Variants in PCNX1 observed in about 807,000 individuals in gnomAD.
PCNX1 encodes the protein pecanex-like protein 1.
Under a neutral mutation model 242.2 loss-of-function variants are expected in PCNX1, and 78 were observed. The observed-to-expected ratio is 0.32, with a 90% confidence interval of 0.27 to 0.39. PCNX1 has a LOEUF of 0.39. Among genes scored for constraint, PCNX1 ranks in the 10% least tolerant of loss-of-function variants. The probability of loss-of-function intolerance (pLI) is 1.00; values close to 1 mark genes in which losing one functional copy is unlikely to be tolerated. For missense variants in PCNX1, 2,581 were observed against 2,856.5 expected (o/e 0.90, Z 2.20); for synonymous variants, 1,024 against 1,032.9 (o/e 0.99, Z 0.17).
chr14:71,006,147 G>A (rs1316720044), intron 8 of PCNX1, among the ~76,000 whole-genome samples: 1 of 116,198 alleles, frequency 8.6e-6, no homozygotes, highest in Non-Finnish European at 1.7e-5. Context: ...GTGTGTGTGT[G>A]TGTGTGTGTG....
intron 26 of PCNX1, among the ~76,000 whole-genome samples, chr14:71,059,132 G>T (rs906583977): frequency 3.3e-5 from 5 of 152,250 alleles, no homozygotes; most frequent in Middle Eastern, 3.4e-3. Flanking sequence ...GAAATGAAAG[G>T]GGGGGTGGTT....
intron 1 of PCNX1, among the ~76,000 whole-genome samples, chr14:70,917,238 A>G (rs929233250): frequency 7.2e-5 from 11 of 152,136 alleles, no homozygotes; most frequent in African/African-American, 2.4e-4. Flanking sequence ...CAATGTTAAT[A>G]TTTCTACCTC....
At chr14:70,955,247 A>G (rs2057947512) in intron 2 of PCNX1, among the ~76,000 whole-genome samples, 1 of 152,214 alleles carries the variant, frequency 6.6e-6, no homozygotes, top group South Asian at 2.1e-4. Flanking sequence ...CATGGCAGTA[A>G]TGCTTATGAT....
intron 5 of PCNX1, among the ~76,000 whole-genome samples, chr14:70,972,073 T>A (rs532982967): frequency 2.6e-5 from 4 of 152,192 alleles, no homozygotes; most frequent in Admixed American, 2.6e-4. Context: ...AGAACACAGA[T>A]CAGAGTAGTG....
intron 16 of PCNX1, among the ~76,000 whole-genome samples, chr14:71,030,368 G>T (rs1244928218): frequency 1.3e-5 from 2 of 151,936 alleles, no homozygotes; most frequent in African/African-American, 2.4e-5. Flanking sequence ...TGTTTAGAAT[G>T]CATGTGGTCC....
Position 71,005,474 on chromosome 14 carries a change from C to G in PCNX1, c.2630-4160C>G, listed in dbSNP as rs146056711. On this transcript the variant is annotated intron_variant, in intron 8 of 35. Transcript: ENST00000304743. ...AGTGAGCTATGATTGTGCCATTGCA[C>G]TCCAGCCTGGGTGACAGAGTGAGTC... Among the ~76,000 whole-genome samples the G allele has an allele frequency of 8.9e-4, 134 of 151,318 alleles. 2 individuals carry two copies. The East Asian group carries it at 0.018, about 20-fold the overall frequency.
At chr14:70,930,910 G>A (rs1482902442) in intron 1 of PCNX1, among the ~76,000 whole-genome samples, 1 of 152,152 alleles carries the variant, frequency 6.6e-6, no homozygotes, top group African/African-American at 2.4e-5. Flanking sequence ...AAAGGAGACT[G>A]TGGCAAGAGG....
At chr14:71,011,631 C>A in intron 10 of PCNX1, 82 bp downstream of exon 10, 1 of 852,838 alleles carries the variant, frequency 1.2e-6, no homozygotes, top group Non-Finnish European at 1.9e-6. Context: ...GCTATAAAAG[C>A]CATAAAAATT....
rs772011610 is a variant in PCNX1 at position 71,089,176 on chromosome 14, T to C, written c.5439-16T>C. ...CTTTGTCAAAACATGTGAACTTTTA[T>C]CTCCAATCTTAACAGTAATTTAGAG... On this transcript the variant is annotated splice_polypyrimidine_tract_variant and intron_variant, in intron 29 of 35. Transcript: ENST00000304743. 1 of 1,582,604 alleles carries C rather than the reference T, an allele frequency of 6.3e-7. No homozygotes were observed. Among genetic ancestry groups the C allele is most frequent in the Non-Finnish European group, 8.6e-7 (1 of 1,158,804 alleles).
intron 9 of PCNX1, among the ~76,000 whole-genome samples, chr14:71,010,833 T>TG (rs1405984585): frequency 6.6e-6 from 1 of 152,102 alleles, no homozygotes; most frequent in Non-Finnish European, 1.5e-5. Context: ...AATAAAATCT[T>TG]GCAGTCATTT....
rs768258763 is a variant in PCNX1, at chr14:71,036,041, A to G, written c.3775-24A>G. 3 of 1,418,488 alleles carry G rather than the reference A, an allele frequency of 2.1e-6. 1 individual carries two copies. The South Asian group carries it at 3.7e-5, about 17-fold the overall frequency. The allele number at this position is 1,418,488 out of a possible 1,614,324, so 87.9% of individuals were successfully genotyped here. A position where few individuals can be genotyped will look rare whatever the true frequency, so the allele number is the denominator to read the frequency against. ...TTTTAAAAATTTTATGTAATTGTTTAATAATTCTTTTTTTTCCCCACAGAG... is the reference window on the plus strand; with the variant it reads ...TTTTAAAAATTTTATGTAATTGTTTGATAATTCTTTTTTTTCCCCACAGAG... On this transcript the variant is annotated intron_variant, in intron 18 of 35. Transcript: ENST00000304743.
intron 22 of PCNX1, among the ~76,000 whole-genome samples, chr14:71,049,972 A>G (rs1398640577): frequency 6.6e-6 from 1 of 152,216 alleles, no homozygotes; most frequent in Non-Finnish European, 1.5e-5. Flanking sequence ...TTATGAACAG[A>G]TGCCTGGTAT....
chr14:70,994,396 G>GATAGATATATATATATATATAT (rs1555357306), intron 7 of PCNX1, among the ~76,000 whole-genome samples: 14 of 96,956 alleles, frequency 1.4e-4, no homozygotes, highest in Non-Finnish European at 2.4e-4. Context: ...ACAGGCTTAA[G>GATAGATATATATATATATATAT]ATATATATAT....
chr14:71,006,140 TGTGTGTGTGTGTGTGTG>T, intron 8 of PCNX1, among the ~76,000 whole-genome samples: 1 of 112,878 alleles, frequency 8.9e-6, no homozygotes, highest in Non-Finnish European at 1.8e-5. Flanking sequence ...TGTGTGTGTG[TGTGTGTGTGTGTGTGTG>T]TGTGTGTGTG....
intron 28 of PCNX1, chr14:71,085,798 C>A: frequency 2.7e-6 from 1 of 365,234 alleles, no homozygotes; most frequent in South Asian, 2.7e-5. Context: ...TCAGCCCATC[C>A]TTAGGAGCCA....
chr14:71,068,593 T>TGC (rs1211629336), intron 26 of PCNX1, among the ~76,000 whole-genome samples: 6 of 135,144 alleles, frequency 4.4e-5, no homozygotes, highest in Admixed American at 1.6e-4. Flanking sequence ...TGTACGTGCG[T>TGC]GTGTGTGTGT....
chr14:71,084,100 G>T (rs960715149), intron 28 of PCNX1, among the ~76,000 whole-genome samples: 1 of 152,178 alleles, frequency 6.6e-6, no homozygotes, highest in African/African-American at 2.4e-5. Flanking sequence ...CCTTCTAACA[G>T]GCCCCTCTGC....
At chr14:70,958,898 CTTTTTTTTTTTT>C (rs56362741) in intron 2 of PCNX1, among the ~76,000 whole-genome samples, 5 of 66,402 alleles carry the variant, frequency 7.5e-5, no homozygotes, top group South Asian at 6.6e-4. Context: ...TTTGGGGTTG[CTTTTTTTTTTTT>C]TTTTTTTTTT....
intron 12 of PCNX1, 75 bp downstream of exon 12, chr14:71,019,237 G>T: frequency 8.9e-7 from 1 of 1,120,984 alleles, no homozygotes. Flanking sequence ...AGCAATTACT[G>T]AATTATAGTA....
Sources: allele counts gnomAD v4.1 joint callset (sites outside exome capture counted in the v4.1 genomes callset), GRCh38; gene constraint gnomAD v4.1.1; transcripts MANE v1.5; gene names NCBI Gene and HGNC (gene_info 2026-07-23, HGNC 2026-07-21).